LTC4S: variants seen among roughly 807,000 people sequenced by gnomAD.
The protein encoded by LTC4S is LTC4 synthase.
LTC4S carries 18 observed loss-of-function variants against 19.6 expected under a neutral mutation model. The observed-to-expected ratio is 0.92, with a 90% CI of 0.64 to 1.36. The LOEUF (loss-of-function observed/expected upper bound fraction) is 1.36, where lower values mean the gene tolerates loss of function less well. Among genes scored for constraint, LTC4S ranks in the 40% most tolerant of loss-of-function variants. The pLI is 0.00. For missense variants in LTC4S, 235 were observed against 212.2 expected (o/e 1.11, Z -0.67); for synonymous variants, 126 against 110.1 (o/e 1.14, Z -0.91).
At chr5:179,796,053 CG>C in intron 4 of LTC4S, 31 bp downstream of exon 4, 1 of 1,198,112 alleles carries the variant, frequency 8.3e-7, no homozygotes, top group Non-Finnish European at 1.1e-6. Context: ...GGGGCGGGGC[CG>C]GGGAAAGATC....
chr5:179,796,079 C>A, intron 4 of LTC4S, 57 bp downstream of exon 4: 2 of 1,435,540 alleles, frequency 1.4e-6, no homozygotes, highest in Non-Finnish European at 1.8e-6. Context: ...GCGGGCGGGG[C>A]TCCTGGGGAG....
chr5:179,795,534 C>T, intron 1 of LTC4S, 50 bp from the exon 2 acceptor site: 2 of 1,566,910 alleles, frequency 1.3e-6, no homozygotes, highest in Non-Finnish European at 1.7e-6. Context: ...ACTCCCATCT[C>T]TGGGGCTTCG....
At position 179,795,980 on chromosome 5, in the gene LTC4S, G is replaced by A; in HGVS notation, c.269G>A (p.Arg90His). 7 of 1,541,568 alleles carry A rather than the reference G, an allele frequency of 4.5e-6. No individual in the cohort carries two copies. Among genetic ancestry groups the A allele is most frequent in the Non-Finnish European group, 5.2e-6 (6 of 1,149,946 alleles). Reference protein sequence around the residue: ...ALCGLVYLFARLRYFQGYARS... With the variant: ...ALCGLVYLFAHLRYFQGYARS... ...TGCGGCCTGGTCTACCTGTTCGCGC[G>A]CCTCCGCTACTTCCAGGGCTACGCG... The change falls in exon 4 of 5, where the codon CGC becomes CAC. Residue 90 changes from arginine to histidine, a missense_variant. Transcript: ENST00000292596.
intron 1 of LTC4S, chr5:179,795,361 C>T: frequency 2.1e-6 from 3 of 1,414,888 alleles, no homozygotes; most frequent in Middle Eastern, 2.6e-4. Context: ...GGCCTCTCTG[C>T]GCCCCAGGCT....
chr5:179,796,118 G>T (rs1756614020), intron 4 of LTC4S, 96 bp downstream of exon 4: 4 of 1,299,770 alleles, frequency 3.1e-6, no homozygotes, highest in Non-Finnish European at 4.0e-6. Context: ...CGGGCGACGG[G>T]CCGGAGCCCA....
chr5:179,796,093 G>C, intron 4 of LTC4S, 71 bp downstream of exon 4: 1 of 1,375,910 alleles, frequency 7.3e-7, no homozygotes, highest in Non-Finnish European at 9.5e-7. Flanking sequence ...TGGGGAGCGG[G>C]ACCGAAGCTG....
chr5:179,796,457 G>A lies in LTC4S; in HGVS notation c.*63G>A, dbSNP rs1427870558. On this transcript the variant is annotated 3_prime_UTR_variant, in exon 5 of 5. Coordinates refer to ENST00000292596, the MANE Select transcript of LTC4S (RefSeq NM_145867.2). ...AGCCGGAGCCTCCAGCTGCCCCGGG[G>A]AGGGGCGCTCGCTTCCGCATCCTAG... 6.2e-5 allele frequency: 89 copies of A among 1,424,526 alleles called. No homozygotes were observed. Among genetic ancestry groups the A allele is most frequent in the Non-Finnish European group, 7.9e-5 (87 of 1,094,692 alleles). The allele number at this position is 1,424,526 out of a possible 1,614,324, so 88.2% of individuals were successfully genotyped here.
chr5:179,794,260 G>C, intron 1 of LTC4S, 122 bp downstream of exon 1: 3 of 1,312,458 alleles, frequency 2.3e-6, no homozygotes. Context: ...CTGGAAGAGG[G>C]TGGGGACTTT....
chr5:179,795,960 C>G lies in LTC4S; in HGVS notation c.249C>G (p.Gly83=), dbSNP rs1265999445. 6.4e-7 allele frequency: 1 copy of G among 1,550,958 alleles called. No individual in the cohort carries two copies. The highest frequency in any genetic ancestry group is 1.4e-5 in the African/African-American group (1 of 73,540). The change falls in exon 4 of 5, where the codon GGC becomes GGG. Residue 83 remains glycine (G), a synonymous_variant. Transcript: ENST00000292596. ...FFHEGAAALC[G]LVYLFARLRY... is the part of the protein sequence containing the mutation. Reference sequence around the variant, plus strand: ...TCGCAGGGGCGGCGGCCCTGTGCGGCCTGGTCTACCTGTTCGCGCGCCTCC... The same window carrying G: ...TCGCAGGGGCGGCGGCCCTGTGCGGGCTGGTCTACCTGTTCGCGCGCCTCC...
At chr5:179,795,066 C>T (rs1044010133) in intron 1 of LTC4S, among the ~76,000 whole-genome samples, 2 of 152,164 alleles carry the variant, frequency 1.3e-5, no homozygotes, top group African/African-American at 4.8e-5. Context: ...TTTAGTGATC[C>T]CGGCCTGAGG....
intron 2 of LTC4S, 35 bp downstream of exon 2, chr5:179,795,718 G>A (rs1220193721): frequency 1.3e-6 from 2 of 1,568,472 alleles, no homozygotes; most frequent in East Asian, 2.4e-5. Context: ...GGCGGGGAGC[G>A]AGCCCCAGGC....
In LTC4S at chr5:179,796,435, C is replaced by T. The variant is rs1581965850; in HGVS notation, c.*41C>T. On this transcript the variant is annotated 3_prime_UTR_variant, in exon 5 of 5. Coordinates refer to ENST00000292596, the MANE Select transcript of LTC4S (RefSeq NM_145867.2). ...GCCGACGGAGCCGGGAAAGAAGAGC[C>T]GGAGCCTCCAGCTGCCCCGGGGAGG... 4 of 1,463,762 alleles carry T rather than the reference C, an allele frequency of 2.7e-6. No homozygotes were observed. Among genetic ancestry groups the T allele is most frequent in the East Asian group, 2.9e-5 (1 of 34,868 alleles). The allele number at this position is 1,463,762 out of a possible 1,614,324, so 90.7% of individuals were successfully genotyped here.
rs755485728 is a variant in LTC4S, at chr5:179,796,006, C to T, written c.295C>T (p.Arg99Cys). 4 of 1,531,244 alleles carry T rather than the reference C, an allele frequency of 2.6e-6. No individual in the cohort carries two copies. The African/African-American group carries it at 5.5e-5, about 21-fold the overall frequency. 94.9% of individuals were successfully genotyped at this position (1,531,244 alleles called of 1,614,324 possible). A position where few individuals can be genotyped will look rare whatever the true frequency, so the allele number is the denominator to read the frequency against. Residue 99 changes from arginine (R) to cysteine (C), a missense_variant, in exon 4 of 5, where the codon CGC (arginine) becomes TGC (cysteine). Transcript: ENST00000292596. ...CCTCCGCTACTTCCAGGGCTACGCG[C>T]GCTCCGCGCAGCTCAGGTGAGGGCC... ...ARLRYFQGYA[R>C]SAQLRLAPLY...
Sources: allele counts gnomAD v4.1 joint callset (sites outside exome capture counted in the v4.1 genomes callset), GRCh38; gene constraint gnomAD v4.1.1; transcripts MANE v1.5; gene names NCBI Gene and HGNC (gene_info 2026-07-23, HGNC 2026-07-21).